TEX14: variants seen among roughly 807,000 people sequenced by gnomAD.
The protein encoded by TEX14 is testis expressed 14, intercellular bridge forming factor.
A neutral mutation model predicts 178.6 loss-of-function variants in TEX14; 168 were observed. The ratio of observed to expected loss-of-function variants is 0.94; its 90% CI spans 0.83 to 1.07. The LOEUF (loss-of-function observed/expected upper bound fraction) is 1.07. Ranked by LOEUF, TEX14 falls within the 50% of genes least tolerant of loss-of-function variation. The pLI, the probability that TEX14 is intolerant of heterozygous loss-of-function variation, is 0.00. For synonymous variants in TEX14, 626 were observed against 634.1 expected, an observed-to-expected ratio of 0.99 and a Z score of 0.19; for missense variants, 1,730 against 1,753.6, an observed-to-expected ratio of 0.99 and a Z score of 0.24.
Position 58,587,156 on chromosome 17 carries a change from A to T in TEX14, c.2788+425T>A, listed in dbSNP as rs530446820. ...GTATGGTGATGTATTTGTGACCAGA[A>T]ATATGCTATAGGAACTTAACTCTTG... On this transcript the variant is annotated intron_variant, in intron 17 of 31. Coordinates refer to ENST00000349033, the MANE Select transcript of TEX14 (RefSeq NM_031272.5). Among the ~76,000 whole-genome samples, 22 of 152,338 alleles carry T rather than the reference A, an allele frequency of 1.4e-4. No individual in the cohort carries two copies. In the East Asian group the frequency reaches 4.2e-3, roughly 29 times the overall value.
chr17:58,644,055 C>G (rs1009184411), intron 2 of TEX14, among the ~76,000 whole-genome samples: 7 of 151,918 alleles, frequency 4.6e-5, no homozygotes, highest in Non-Finnish European at 1.0e-4. Context: ...AAAGACCAAG[C>G]TATGATAGAG....
At position 58,562,512 on chromosome 17, in the gene TEX14, CT is replaced by C. The variant is rs534008645; in HGVS notation, c.4065-901del. Among the ~76,000 whole-genome samples, 1,021 of 144,900 alleles carry C rather than the reference CT, an allele frequency of 7.0e-3. 7 individuals carry two copies. Among genetic ancestry groups the C allele is most frequent in the African/African-American group, 9.8e-3 (392 of 39,800 alleles). On this transcript the variant is annotated intron_variant, in intron 28 of 31. Coordinates refer to ENST00000349033, the MANE Select transcript of TEX14 (RefSeq NM_031272.5). ...GATCACGTAAAAAGAGCTTAATTTT[CT>C]TTTTTTTTTTTGAGACAGTCTCGCT...
At chr17:58,650,049 A>G in intron 2 of TEX14, among the ~76,000 whole-genome samples, 2 of 141,542 alleles carry the variant, frequency 1.4e-5, no homozygotes, top group Middle Eastern at 4.5e-3. Flanking sequence ...CCAGAGTTTT[A>G]TTTTTGTTTT....
intron 5 of TEX14, among the ~76,000 whole-genome samples, chr17:58,620,772 G>A (rs911789116): frequency 6.6e-6 from 1 of 152,140 alleles, no homozygotes; most frequent in Non-Finnish European, 1.5e-5. Flanking sequence ...TTACAGGTGT[G>A]AGCCACTGTA....
intron 2 of TEX14, 41 bp downstream of exon 2, chr17:58,651,825 T>A: frequency 6.4e-7 from 1 of 1,562,012 alleles, no homozygotes; most frequent in East Asian, 2.3e-5. Flanking sequence ...TATTCAGAAA[T>A]GTGTACCAAG....
In TEX14 at chr17:58,599,583, C is replaced by T. The variant is rs1345074511; in HGVS notation, c.1762G>A (p.Ala588Thr). ...DPQAPDPCLM[A>T]RETQNQDAPC... ...GCATCTTGATTCTGAGTCTCCCTGG[C>T]CATCAGACATGGATCTGGGGCCTGA... Residue 588 changes from alanine (A) to threonine (T), a missense_variant, in exon 14 of 32, where the codon GCC becomes ACC. Around this residue, in one of 2 missense-constraint regions of TEX14, gnomAD observed 941 missense variants for 1,072.4 expected, o/e 0.88. Coordinates refer to ENST00000349033, the MANE Select transcript of TEX14 (RefSeq NM_031272.5). 7.4e-6 allele frequency: 12 copies of T among 1,613,760 alleles called. No individual in the cohort carries two copies. The highest frequency in any genetic ancestry group is 9.3e-6 in the Non-Finnish European group (11 of 1,179,990).
chr17:58,646,118 G>C (rs2046701530), intron 2 of TEX14, among the ~76,000 whole-genome samples: 1 of 152,102 alleles, frequency 6.6e-6, no homozygotes, highest in South Asian at 2.1e-4. Context: ...CAGATAAGCA[G>C]TGTCAACTGT....
At chr17:58,587,761 C>A in intron 16 of TEX14, 95 bp from the exon 17 acceptor site, 2 of 1,151,882 alleles carry the variant, frequency 1.7e-6, no homozygotes, top group Non-Finnish European at 1.3e-6. Flanking sequence ...AGCCCACCAG[C>A]CCATCCAGAG....
At chr17:58,617,155 T>C (rs1219047300) in intron 6 of TEX14, among the ~76,000 whole-genome samples, 1 of 151,944 alleles carries the variant, frequency 6.6e-6, no homozygotes, top group Non-Finnish European at 1.5e-5. Flanking sequence ...GGCTGAGGCA[T>C]CAGAATTGCT....
intron 10 of TEX14, among the ~76,000 whole-genome samples, chr17:58,608,218 C>G (rs1047808561): frequency 6.6e-6 from 1 of 152,118 alleles, no homozygotes; most frequent in Non-Finnish European, 1.5e-5. Flanking sequence ...GAGTTCAAGA[C>G]CATCCTGGCC....
intron 2 of TEX14, among the ~76,000 whole-genome samples, chr17:58,639,180 T>A (rs1224619591): frequency 2.0e-5 from 3 of 151,586 alleles, no homozygotes; most frequent in Non-Finnish European, 2.9e-5. Flanking sequence ...ATTATTCTAA[T>A]TGAAGTAACT....
chr17:58,566,622 A>AACCC (rs2044404304), intron 26 of TEX14, among the ~76,000 whole-genome samples: 1 of 150,988 alleles, frequency 6.6e-6, no homozygotes, highest in South Asian at 2.1e-4. Flanking sequence ...AACATAGTGA[A>AACCC]ACCCCATCTC....
chr17:58,592,746 C>G (rs924468559), intron 15 of TEX14, among the ~76,000 whole-genome samples: 5 of 152,156 alleles, frequency 3.3e-5, no homozygotes, highest in Admixed American at 1.3e-4. Flanking sequence ...ACCATGTTGG[C>G]CAGGCTGCTC....
At position 58,599,321 on chromosome 17, in the gene TEX14, C is replaced by A. The variant is rs774260772; in HGVS notation, c.2024G>T (p.Gly675Val). Residue 675 changes from glycine (G) to valine (V), a missense_variant, in exon 14 of 32, where the codon GGC becomes GTC. Around this residue, in one of 2 missense-constraint regions of TEX14, gnomAD observed 941 missense variants for 1,072.4 expected, o/e 0.88. Transcript: ENST00000349033. ...DKMEREACCF[G>V]SEDESSSKAE... is the part of the protein sequence containing the mutation. ...TTTTGAAGAGCTCTCATCCTCACTG[C>A]CAAAACAACACGCCTCTCTCTCCAT... 2 of 1,613,690 alleles carry A rather than the reference C, an allele frequency of 1.2e-6. No individual in the cohort carries two copies. Among genetic ancestry groups the A allele is most frequent in the South Asian group, 2.2e-5 (2 of 91,080 alleles).
intron 2 of TEX14, among the ~76,000 whole-genome samples, chr17:58,634,653 G>C (rs2046394265): frequency 6.6e-6 from 1 of 152,142 alleles, no homozygotes. Context: ...GAGTAGAGAA[G>C]AGCAGCAGAG....
At chr17:58,582,903 T>C (rs1395337559) in intron 19 of TEX14, among the ~76,000 whole-genome samples, 1 of 151,998 alleles carries the variant, frequency 6.6e-6, no homozygotes, top group Non-Finnish European at 1.5e-5. Context: ...CCACCCCTTT[T>C]TTCCTGCTTA....
At chr17:58,687,022 C>T (rs2047612290) in intron 1 of TEX14, among the ~76,000 whole-genome samples, 1 of 151,864 alleles carries the variant, frequency 6.6e-6, no homozygotes, top group Admixed American at 6.6e-5. Flanking sequence ...TACAGATGCC[C>T]ACCACCACAC....
chr17:58,677,949 A>G (rs1260014616), intron 1 of TEX14, among the ~76,000 whole-genome samples: 2 of 152,252 alleles, frequency 1.3e-5, no homozygotes, highest in Non-Finnish European at 2.9e-5. Flanking sequence ...CAGGAGTTCA[A>G]GACCAGCCTG....
intron 2 of TEX14, among the ~76,000 whole-genome samples, chr17:58,644,296 T>C (rs924342348): frequency 1.3e-5 from 2 of 152,212 alleles, no homozygotes; most frequent in African/African-American, 2.4e-5. Flanking sequence ...CCCCTACACC[T>C]ACATAAAACC....
Sources: gnomAD v4.1 joint callset for allele counts (sites outside exome capture counted in the v4.1 genomes callset) on GRCh38, gnomAD v4.1.1 for gene constraint, gnomAD v4.1.1 regional missense constraint, MANE v1.5 for transcripts, NCBI Gene and HGNC (gene_info 2026-07-23, HGNC 2026-07-21) for gene names.